GBF1: variants seen among roughly 807,000 people sequenced by gnomAD.
GBF1 encodes golgi brefeldin A resistant guanine nucleotide exchange factor 1.
Under a neutral mutation model 210.5 loss-of-function variants are expected in GBF1, and 114 were observed. The ratio of observed to expected loss-of-function variants is 0.54; its 90% CI spans 0.47 to 0.63. The LOEUF (loss-of-function observed/expected upper bound fraction) is 0.63, where lower values mean the gene tolerates loss of function less well. Among genes scored for constraint, GBF1 ranks in the 30% least tolerant of loss-of-function variants. The pLI, the probability that GBF1 is intolerant of heterozygous loss-of-function variation, is 0.00. For synonymous variants in GBF1, 850 were observed against 889.2 expected (o/e 0.96, Z 0.78); for missense variants, 1,851 against 2,357.7 (o/e 0.79, Z 4.45).
At chr10:102,304,476 G>T (rs912932183) in intron 3 of GBF1, among the ~76,000 whole-genome samples, 2 of 151,990 alleles carry the variant, frequency 1.3e-5, no homozygotes, top group African/African-American at 4.8e-5. Context: ...TCTTCAAGGT[G>T]AAATTAGGTA....
At chr10:102,362,724 T>C in intron 15 of GBF1, 60 bp downstream of exon 15, 1 of 1,365,844 alleles carries the variant, frequency 7.3e-7, no homozygotes, top group Non-Finnish European at 1.0e-6. Context: ...TTCTCTACTC[T>C]CTGAGTCGTT....
chr10:102,311,838 C>A (rs557735254), intron 3 of GBF1, among the ~76,000 whole-genome samples: 7 of 152,286 alleles, frequency 4.6e-5, no homozygotes, highest in African/African-American at 1.7e-4. Context: ...GGCATTTCCC[C>A]AGCAAATAAG....
At chr10:102,323,449 A>T (rs2056614706) in intron 3 of GBF1, among the ~76,000 whole-genome samples, 1 of 152,128 alleles carries the variant, frequency 6.6e-6, no homozygotes, top group African/African-American at 2.4e-5. Context: ...TTTGGAGATT[A>T]ACTGCCATAA....
At chr10:102,234,177 T>C in the GBF1 span, among the ~76,000 whole-genome samples, 3 of 152,194 alleles carry the variant, frequency 2.0e-5, no homozygotes, top group Admixed American at 6.5e-5. Context: ...TTAGGAGCCT[T>C]TCTCAGGGAG....
At chr10:102,230,959 T>C in the GBF1 span, 4 of 1,608,212 alleles carry the variant, frequency 2.5e-6, no homozygotes, top group Admixed American at 1.7e-5. Flanking sequence ...GGGCGGCCAG[T>C]TGCCGTACGA....
At chr10:102,299,566 T>C (rs1048266890) in intron 3 of GBF1, among the ~76,000 whole-genome samples, 1 of 152,186 alleles carries the variant, frequency 6.6e-6, no homozygotes, top group African/African-American at 2.4e-5. Flanking sequence ...GTGGATTACC[T>C]GAGTTCAGGA....
rs371146669 is a variant in GBF1 at position 102,284,904 on chromosome 10, C to T, written c.163+24788C>T. Among the ~76,000 whole-genome samples, 22 of 152,146 alleles carry T rather than the reference C, an allele frequency of 1.4e-4. No individual in the cohort carries two copies. In the East Asian group the frequency reaches 2.3e-3, roughly 16 times the overall value. On this transcript the variant is annotated intron_variant, in intron 3 of 39. Transcript: ENST00000369983. ...AGAATGCATGAGGGTTCCAGTTTTT[C>T]CGCATCCTTACCAACACTTGTTATT...
intron 3 of GBF1, among the ~76,000 whole-genome samples, chr10:102,342,499 T>G (rs1453963374): frequency 6.6e-6 from 1 of 151,718 alleles, no homozygotes; most frequent in Non-Finnish European, 1.5e-5. Context: ...GAGAAGCAGG[T>G]TTTTTTTACA....
At chr10:102,295,273 G>C (rs1377805504) in intron 3 of GBF1, among the ~76,000 whole-genome samples, 1 of 152,194 alleles carries the variant, frequency 6.6e-6, no homozygotes, top group Non-Finnish European at 1.5e-5. Flanking sequence ...TAAATGAAAA[G>C]AATAGGGAGT....
intron 28 of GBF1, 91 bp downstream of exon 28, chr10:102,370,569 T>TAGGA: frequency 5.4e-6 from 7 of 1,307,480 alleles, no homozygotes; most frequent in Non-Finnish European, 7.8e-6. Flanking sequence ...TGGGGAACTG[T>TAGGA]AGGCAGCAGG....
rs778686321 is a variant in GBF1 at position 102,367,066 on chromosome 10, G to A, written c.2434-19G>A. On this transcript the variant is annotated intron_variant, in intron 19 of 39. Coordinates refer to ENST00000369983, the MANE Select transcript of GBF1 (RefSeq NM_001377137.1). ...GCCAGAGAAGGGCATTGACACAGGC[G>A]GGATCTTTGCTTTTTCAGAATTGTA... 14 of 1,613,532 alleles carry A rather than the reference G, an allele frequency of 8.7e-6. No individual in the cohort carries two copies. Among genetic ancestry groups the A allele is most frequent in the Middle Eastern group, 3.3e-4 (2 of 6,084 alleles).
chr10:102,231,804 T>A, the GBF1 span: 1 of 1,593,726 alleles, frequency 6.3e-7, no homozygotes, highest in Non-Finnish European at 8.5e-7. Flanking sequence ...GGGGCCAGGG[T>A]GGGGGCAGGT....
At position 102,362,582 on chromosome 10, in the gene GBF1, C is replaced by T; in HGVS notation, c.1794C>T (p.Leu598=). The T allele has an allele frequency of 1.2e-6, 2 of 1,614,174 alleles. No individual in the cohort carries two copies. The highest frequency in any genetic ancestry group is 1.7e-6 in the Non-Finnish European group (2 of 1,180,000). The change falls in exon 15 of 40, where the codon CTC becomes CTT. Residue 598 remains leucine (L), a synonymous_variant. Coordinates refer to ENST00000369983, the MANE Select transcript of GBF1 (RefSeq NM_001377137.1). The stretch of plus-strand genomic sequence containing the variant: ...AGGCCCACTGCCAGGCTAAAGTCCT[C>T]AACAGCCTCACCCAGCAAGAGAAGA... ...STEAHCQAKV[L]NSLTQQEKKE... is the part of the protein sequence containing the mutation.
At chr10:102,236,835 G>T in the GBF1 span, among the ~76,000 whole-genome samples, 1 of 151,688 alleles carries the variant, frequency 6.6e-6, no homozygotes, top group African/African-American at 2.4e-5. Context: ...GGGCTAAATG[G>T]AGAGATGAGA....
Position 102,376,437 on chromosome 10 carries a change from G to C in GBF1, c.4047+5G>C. The C allele has an allele frequency of 6.2e-7, 1 of 1,614,144 alleles. No individual in the cohort carries two copies. Among genetic ancestry groups the C allele is most frequent in the Non-Finnish European group, 8.5e-7 (1 of 1,179,954 alleles). The stretch of plus-strand genomic sequence containing the variant: ...GTCAACAGTGGTTGGTTAGTGGTGA[G>C]TGACAATATGGGCAGCAATTGAGTC... On this transcript the variant is annotated splice_donor_5th_base_variant and intron_variant, in intron 31 of 39. Coordinates refer to ENST00000369983, the MANE Select transcript of GBF1 (RefSeq NM_001377137.1).
intron 3 of GBF1, among the ~76,000 whole-genome samples, chr10:102,326,368 A>G (rs907540989): frequency 2.6e-5 from 4 of 152,218 alleles, no homozygotes; most frequent in Non-Finnish European, 5.9e-5. Flanking sequence ...AGGTTGCCCA[A>G]GGGGCACTGA....
At chr10:102,319,145 G>A (rs1011061537) in intron 3 of GBF1, among the ~76,000 whole-genome samples, 2 of 152,156 alleles carry the variant, frequency 1.3e-5, no homozygotes, top group Non-Finnish European at 2.9e-5. Context: ...GTGAAACCCC[G>A]TCTCTACTAA....
chr10:102,366,513 TTGAG>T lies in GBF1; in HGVS notation c.2433+10_2433+13del, dbSNP rs1229329885. On this transcript the variant is annotated splice_region_variant and intron_variant, in intron 19 of 39. Coordinates refer to ENST00000369983, the MANE Select transcript of GBF1 (RefSeq NM_001377137.1). The surrounding 1 kb of genome is among the most constrained non-coding windows in gnomAD (Gnocchi z 4.0). ...ATTCACAGAGCGTTGGATGGTGAGT[TTGAG>T]TGTCAGGGGCTGAGCCCAGGATCCA... 6.2e-7 allele frequency: 1 copy of T among 1,613,514 alleles called. No individual in the cohort carries two copies. The highest frequency in any genetic ancestry group is 8.5e-7 in the Non-Finnish European group (1 of 1,179,758).
intron 3 of GBF1, among the ~76,000 whole-genome samples, chr10:102,340,266 C>CTT (rs1565129960): frequency 2.4e-5 from 3 of 123,660 alleles, no homozygotes; most frequent in Non-Finnish European, 3.5e-5. Flanking sequence ...CTGGTCCATG[C>CTT]CTTTTTTTTT....
Sources: allele counts gnomAD v4.1 joint callset (sites outside exome capture counted in the v4.1 genomes callset), GRCh38; gene constraint gnomAD v4.1.1; non-coding constraint Gnocchi (gnomAD v3.1); transcripts MANE v1.5; gene names NCBI Gene and HGNC (gene_info 2026-07-23, HGNC 2026-07-21).